The following IQCJ variants were observed in gnomAD, a reference collection of about 807,000 sequenced individuals.
The protein encoded by IQCJ is IQ domain-containing protein J.
IQCJ carries 9 observed loss-of-function variants against 11.0 expected under a neutral mutation model. The ratio of observed to expected loss-of-function variants is 0.82; its 90% CI spans 0.49 to 1.43. The LOEUF (loss-of-function observed/expected upper bound fraction) is 1.43, where lower values mean the gene tolerates loss of function less well. IQCJ is among the 40% of genes most tolerant of loss of function. The pLI, the probability that IQCJ is intolerant of heterozygous loss-of-function variation, is 0.00. For missense variants in IQCJ, 146 were observed against 133.2 expected, an observed-to-expected ratio of 1.10 and a Z score of -0.47; for synonymous variants, 55 against 51.3, an observed-to-expected ratio of 1.07 and a Z score of -0.31.
intron 1 of IQCJ, among the ~76,000 whole-genome samples, chr3:159,112,740 C>T (rs777911656): frequency 1.6e-4 from 25 of 152,278 alleles, no homozygotes; most frequent in Non-Finnish European, 3.4e-4. Context: ...CTGGGGTCCT[C>T]AGGGCAGTCC....
Position 159,262,654 on chromosome 3 carries a change from A to G in IQCJ, c.262A>G (p.Met88Val), listed in dbSNP as rs1238139278. 1.2e-6 allele frequency: 2 copies of G among 1,613,990 alleles called. No homozygotes were observed. Among genetic ancestry groups the G allele is most frequent in the Non-Finnish European group, 1.7e-6 (2 of 1,179,862 alleles). The change falls in exon 4 of 4, where the codon ATG becomes GTG. Residue 88 changes from methionine to valine, a missense_variant. Transcript: ENST00000397832. ...SSEKLSSSVS[M>V]NTFSDSSTPV... ...AGAGAAGCTGAGCAGCTCTGTCAGCATGAACACCTTCTCCGACAGCAGCAC... is the reference window on the plus strand; with the variant it reads ...AGAGAAGCTGAGCAGCTCTGTCAGCGTGAACACCTTCTCCGACAGCAGCAC...
chr3:159,083,093 G>C (rs958162397), intron 1 of IQCJ, among the ~76,000 whole-genome samples: 3 of 152,020 alleles, frequency 2.0e-5, no homozygotes, highest in Non-Finnish European at 4.4e-5. Flanking sequence ...ATTCATAAAA[G>C]AAGAAAACTG....
chr3:159,149,936 G>C (rs902897165), intron 1 of IQCJ, among the ~76,000 whole-genome samples: 2 of 152,120 alleles, frequency 1.3e-5, no homozygotes, highest in Admixed American at 6.5e-5. Context: ...GTATGCCAAA[G>C]TCCTTTAAGT....
intron 1 of IQCJ, among the ~76,000 whole-genome samples, chr3:159,154,468 C>G (rs939258860): frequency 2.6e-5 from 4 of 152,086 alleles, no homozygotes; most frequent in Non-Finnish European, 5.9e-5. Context: ...CACTTTGATT[C>G]ACCAACTTTG....
chr3:159,111,013 T>C (rs1718589681), intron 1 of IQCJ, among the ~76,000 whole-genome samples: 1 of 152,222 alleles, frequency 6.6e-6, no homozygotes, highest in East Asian at 1.9e-4. Context: ...GCAAACCTTA[T>C]TGGTGTGGCT....
At chr3:159,084,883 T>G (rs1716599582) in intron 1 of IQCJ, among the ~76,000 whole-genome samples, 1 of 150,896 alleles carries the variant, frequency 6.6e-6, no homozygotes, top group South Asian at 2.1e-4. Context: ...CACATCCTAG[T>G]TACTTGTTAT....
Position 159,252,807 on chromosome 3 carries a change from T to A in IQCJ, c.155T>A (p.Ile52Asn), listed in dbSNP as rs535193958. ...NLQPLESKVK[I>N]IQRAWREYLQ... ...CAGCCCTTGGAATCAAAGGTGAAAA[T>A]GTAAGTTATTTCAAAGTATAAATTA... is the stretch of plus-strand genomic sequence containing the variant. The change falls in exon 3 of 4, where the codon ATC becomes AAC. Residue 52 changes from isoleucine (I) to asparagine (N), a missense_variant and splice_region_variant. By Grantham distance (149) the Ile-to-Asn change is moderately radical. Transcript: ENST00000397832. The A allele has an allele frequency of 1.2e-6, 2 of 1,609,770 alleles. No individual in the cohort carries two copies. Among genetic ancestry groups the A allele is most frequent in the South Asian group, 1.1e-5 (1 of 90,178 alleles).
intron 1 of IQCJ, among the ~76,000 whole-genome samples, chr3:159,180,880 T>C (rs1225767952): frequency 6.6e-6 from 1 of 152,028 alleles, no homozygotes; most frequent in African/African-American, 2.4e-5. Flanking sequence ...TTTACAACAT[T>C]TTGTCATCAA....
intron 1 of IQCJ, among the ~76,000 whole-genome samples, chr3:159,144,033 A>G (rs1720779967): frequency 6.6e-6 from 1 of 152,176 alleles, no homozygotes; most frequent in Non-Finnish European, 1.5e-5. Flanking sequence ...TAAGCATACT[A>G]ATCGATTCAT....
At chr3:159,123,697 T>G (rs1238131078) in intron 1 of IQCJ, among the ~76,000 whole-genome samples, 1 of 152,130 alleles carries the variant, frequency 6.6e-6, no homozygotes, top group African/African-American at 2.4e-5. Context: ...GTCTTAGAAT[T>G]CTACATTTTG....
At chr3:159,218,530 T>C (rs778870730) in intron 1 of IQCJ, among the ~76,000 whole-genome samples, 1 of 152,116 alleles carries the variant, frequency 6.6e-6, no homozygotes, top group Admixed American at 6.6e-5. Context: ...TTGTCTTTTA[T>C]ATAAGAAGAG....
At chr3:159,178,996 GA>G (rs900993481) in intron 1 of IQCJ, among the ~76,000 whole-genome samples, 9 of 152,132 alleles carry the variant, frequency 5.9e-5, no homozygotes, top group South Asian at 2.1e-4. Flanking sequence ...AATTATGCTA[GA>G]AAAAAATATA....
At chr3:159,135,628 G>A (rs1577031688) in intron 1 of IQCJ, among the ~76,000 whole-genome samples, 2 of 152,164 alleles carry the variant, frequency 1.3e-5, no homozygotes, top group East Asian at 1.9e-4. Context: ...CATAGAGAGG[G>A]AAAGATAATG....
rs941588437 is a variant in IQCJ, at chr3:159,220,475, C to G, written c.10-25368C>G. Among the ~76,000 whole-genome samples the G allele has an allele frequency of 1.7e-4, 26 of 152,250 alleles. 1 individual carries two copies. In the East Asian group the frequency reaches 4.8e-3, roughly 28 times the overall value. ...GTCATTTGCAAGTCAACAAGAAGAG[C>G]CTCAGAAGAAACCGGTCCTGTACCT... On this transcript the variant is annotated intron_variant, in intron 1 of 3. Transcript: ENST00000397832.
At chr3:159,225,498 A>G (rs890232590) in intron 1 of IQCJ, among the ~76,000 whole-genome samples, 2 of 152,218 alleles carry the variant, frequency 1.3e-5, no homozygotes, top group African/African-American at 4.8e-5. Flanking sequence ...TGATGTAAAT[A>G]TCATAACATT....
At chr3:159,183,862 T>G (rs1415524634) in intron 1 of IQCJ, among the ~76,000 whole-genome samples, 3 of 151,980 alleles carry the variant, frequency 2.0e-5, no homozygotes, top group Non-Finnish European at 2.9e-5. Flanking sequence ...TAGCTCTCCT[T>G]CCAAAATGTT....
At chr3:159,156,818 A>G (rs1721547183) in intron 1 of IQCJ, among the ~76,000 whole-genome samples, 1 of 152,222 alleles carries the variant, frequency 6.6e-6, no homozygotes, top group African/African-American at 2.4e-5. Context: ...TGCCCCAATC[A>G]ATAAAAAGGC....
At chr3:159,201,978 C>A (rs1724375097) in intron 1 of IQCJ, among the ~76,000 whole-genome samples, 1 of 152,150 alleles carries the variant, frequency 6.6e-6, no homozygotes, top group Non-Finnish European at 1.5e-5. Flanking sequence ...AAATATACTA[C>A]ACTGGAAGAC....
intron 1 of IQCJ, among the ~76,000 whole-genome samples, chr3:159,232,830 C>T (rs941053333): frequency 6.6e-6 from 1 of 151,856 alleles, no homozygotes; most frequent in African/African-American, 2.4e-5. Context: ...TTAAAGTCTC[C>T]CACTATTGTT....
Sources: gnomAD v4.1 joint callset for allele counts (sites outside exome capture counted in the v4.1 genomes callset) on GRCh38, gnomAD v4.1.1 for gene constraint, MANE v1.5 for transcripts, NCBI Gene and HGNC (gene_info 2026-07-23, HGNC 2026-07-21) for gene names.